The following GRIK4 variants were observed in gnomAD, a reference collection of about 807,000 sequenced individuals.
GRIK4 encodes glutamate ionotropic receptor kainate type subunit 4.
In GRIK4, 40 loss-of-function variants were observed where a neutral mutation model predicts 104.9. That is an observed-to-expected ratio of 0.38 (90% CI 0.30 to 0.50). The LOEUF (loss-of-function observed/expected upper bound fraction) is 0.50, where lower values mean the gene tolerates loss of function less well. GRIK4 is among the 20% of genes least tolerant of loss of function. The pLI is 0.93. For missense variants in GRIK4, 1,047 were observed against 1,308.1 expected, an observed-to-expected ratio of 0.80 and a Z score of 3.08; for synonymous variants, 485 against 524.9, an observed-to-expected ratio of 0.92 and a Z score of 1.04.
intron 3 of GRIK4, among the ~76,000 whole-genome samples, chr11:120,696,309 A>T (rs994234184): frequency 3.9e-5 from 6 of 152,102 alleles, no homozygotes; most frequent in African/African-American, 1.4e-4. Context: ...TGTCCTGTAC[A>T]GCAGACTTAC....
chr11:120,931,419 G>A (rs1253177889), intron 13 of GRIK4, among the ~76,000 whole-genome samples: 1 of 152,184 alleles, frequency 6.6e-6, no homozygotes, highest in South Asian at 2.1e-4. Flanking sequence ...AGTGCCTGGA[G>A]TGTGGTGATA....
intron 3 of GRIK4, among the ~76,000 whole-genome samples, chr11:120,736,331 T>C (rs970213274): frequency 6.6e-6 from 1 of 152,110 alleles, no homozygotes; most frequent in Non-Finnish European, 1.5e-5. Context: ...GTCTTTACTC[T>C]TCTCTCTTCT....
At chr11:120,630,107 G>C (rs1342217176) in intron 1 of GRIK4, among the ~76,000 whole-genome samples, 1 of 152,212 alleles carries the variant, frequency 6.6e-6, no homozygotes, top group Non-Finnish European at 1.5e-5. Context: ...AAGTAAAGTG[G>C]CTGGAAGGGT....
rs539404000 is a variant in GRIK4, at chr11:120,669,788, T to G, written c.82+9388T>G. Reference sequence around the variant, plus strand: ...ATGGATGTGCCTCAGGGCCCGGTCCTTAAACCTCTTCTCTCTGCATGCCCA... The same window carrying G: ...ATGGATGTGCCTCAGGGCCCGGTCCGTAAACCTCTTCTCTCTGCATGCCCA... On this transcript the variant is annotated intron_variant, in intron 3 of 20. Transcript: ENST00000527524. 2.0e-5 allele frequency among the ~76,000 whole-genome samples: 3 copies of G among 152,364 alleles called. No homozygotes were observed. In the South Asian group the frequency reaches 6.2e-4, roughly 32 times the overall value.
Position 120,819,617 on chromosome 11 carries a change from G to C in GRIK4, c.346-138G>C, listed in dbSNP as rs1295058433. The stretch of plus-strand genomic sequence containing the variant: ...CTCCCACGGAGTGGGTGCCCTGGGA[G>C]CTCCTTCTCCCATTGGTGTCTGGCG... On this transcript the variant is annotated intron_variant, in intron 5 of 20. Transcript: ENST00000527524. The surrounding 1 kb of genome is among the most constrained non-coding windows in gnomAD (Gnocchi z 4.3). 1.3e-6 allele frequency: 1 copy of C among 743,864 alleles called. No homozygotes were observed. The highest frequency in any genetic ancestry group is 2.3e-6 in the Non-Finnish European group (1 of 434,316). The allele number at this position is 743,864 out of a possible 1,614,324, so 46.1% of individuals were successfully genotyped here.
intron 3 of GRIK4, among the ~76,000 whole-genome samples, chr11:120,742,959 A>G (rs1296860197): frequency 1.3e-5 from 2 of 152,240 alleles, no homozygotes; most frequent in African/African-American, 4.8e-5. Context: ...TTGGCTGGGC[A>G]TGGTGGCTCA....
chr11:120,884,620 GTTCCA>G (rs200039814), intron 11 of GRIK4, among the ~76,000 whole-genome samples: 2,144 of 152,320 alleles, frequency 0.014, 54 homozygotes, highest in African/African-American at 0.048. Flanking sequence ...AGCCTCACTG[GTTCCA>G]CTTGGCAGTG....
chr11:120,830,719 C>T (rs1442865527), intron 6 of GRIK4, among the ~76,000 whole-genome samples: 1 of 152,166 alleles, frequency 6.6e-6, no homozygotes, highest in Non-Finnish European at 1.5e-5. Flanking sequence ...TGAGATAAGC[C>T]ATGTAAAATG....
chr11:120,739,435 C>T (rs2846114), intron 3 of GRIK4, among the ~76,000 whole-genome samples: 86,602 of 151,998 alleles, frequency 0.57, 24,982 homozygotes, highest in Middle Eastern at 0.65. Flanking sequence ...TGGGCCTCTT[C>T]CAGGCCTTGC....
intron 1 of GRIK4, among the ~76,000 whole-genome samples, chr11:120,567,523 A>G (rs1322187580): frequency 1.3e-5 from 2 of 152,288 alleles, no homozygotes; most frequent in African/African-American, 4.8e-5. Context: ...TAAGAAAGGG[A>G]TTAGAAAGGG....
intron 1 of GRIK4, among the ~76,000 whole-genome samples, chr11:120,628,125 T>C (rs11217929): frequency 0.07 from 10,721 of 152,162 alleles, 938 homozygotes; most frequent in African/African-American, 0.21. Flanking sequence ...GCAGAGGGTG[T>C]GCTCCCAGGA....
intron 1 of GRIK4, chr11:120,620,087 TG>T (rs2135162683): frequency 1.4e-6 from 1 of 723,438 alleles, no homozygotes; most frequent in Non-Finnish European, 2.6e-6. Flanking sequence ...TCTCTAAAAC[TG>T]GCCTCATTGG....
chr11:120,679,027 C>G (rs1950150069), intron 3 of GRIK4, among the ~76,000 whole-genome samples: 1 of 151,960 alleles, frequency 6.6e-6, no homozygotes, highest in Non-Finnish European at 1.5e-5. Context: ...AGAGAACACC[C>G]TAAAGGGAGA....
chr11:120,809,016 A>AG (rs1952772629), intron 4 of GRIK4, among the ~76,000 whole-genome samples: 2 of 152,112 alleles, frequency 1.3e-5, no homozygotes, highest in Non-Finnish European at 2.9e-5. Context: ...TCCTTCCTGG[A>AG]GGGGGGCTAC....
intron 3 of GRIK4, among the ~76,000 whole-genome samples, chr11:120,662,857 G>A (rs1424959477): frequency 1.3e-5 from 2 of 152,134 alleles, no homozygotes; most frequent in South Asian, 4.2e-4. Flanking sequence ...CCACTTGTCT[G>A]CTGGTGACAA....
intron 3 of GRIK4, among the ~76,000 whole-genome samples, chr11:120,765,215 A>G (rs78409351): frequency 6.6e-6 from 1 of 150,838 alleles, no homozygotes; most frequent in Admixed American, 6.6e-5. Context: ...TTGATCTTCA[A>G]TCTCTGATAT....
At chr11:120,684,799 C>T (rs1950250191) in intron 3 of GRIK4, among the ~76,000 whole-genome samples, 1 of 152,214 alleles carries the variant, frequency 6.6e-6, no homozygotes, top group Non-Finnish European at 1.5e-5. Flanking sequence ...CAAGCTCCGC[C>T]TCCCGGCTTC....
rs1591878936 is a variant in GRIK4 at position 120,760,956 on chromosome 11, T to C, written c.83-41737T>C. ...TAGAATGATTTACAGTCTTTGGGTATATACCCAGTAATGGGATTGCTGGGT... is the reference window on the plus strand; with the variant it reads ...TAGAATGATTTACAGTCTTTGGGTACATACCCAGTAATGGGATTGCTGGGT... On this transcript the variant is annotated intron_variant, in intron 3 of 20. Coordinates refer to ENST00000527524, the MANE Select transcript of GRIK4 (RefSeq NM_014619.5). 2.0e-5 allele frequency among the ~76,000 whole-genome samples: 3 copies of C among 152,220 alleles called. No individual in the cohort carries two copies. In the South Asian group the frequency reaches 6.2e-4, roughly 32 times the overall value.
At chr11:120,557,415 C>T (rs1271145290) in intron 1 of GRIK4, among the ~76,000 whole-genome samples, 1 of 152,246 alleles carries the variant, frequency 6.6e-6, no homozygotes, top group Non-Finnish European at 1.5e-5. Context: ...CTTCTCTTGA[C>T]CACTTGTTTG....
Sources: allele counts gnomAD v4.1 joint callset (sites outside exome capture counted in the v4.1 genomes callset), GRCh38; gene constraint gnomAD v4.1.1; non-coding constraint Gnocchi (gnomAD v3.1); transcripts MANE v1.5; gene names NCBI Gene and HGNC (gene_info 2026-07-23, HGNC 2026-07-21).